ATP11C: variants seen among roughly 807,000 people sequenced by gnomAD.
ATP11C encodes the protein phospholipid-transporting ATPase IG.
In ATP11C, 36 loss-of-function variants were observed where a neutral mutation model predicts 97.4. The observed-to-expected ratio is 0.37, with a 90% CI of 0.28 to 0.49. ATP11C has a LOEUF of 0.49. Ranked by LOEUF, ATP11C falls within the 20% of genes least tolerant of loss-of-function variation. The pLI, the probability that ATP11C is intolerant of heterozygous loss-of-function variation, is 0.98. For synonymous variants in ATP11C, 275 were observed against 290.9 expected, an observed-to-expected ratio of 0.95 and a Z score of 0.56; for missense variants, 730 against 824.6, an observed-to-expected ratio of 0.89 and a Z score of 1.40.
rs189184882 is a variant in ATP11C at position 139,800,491 on chromosome X, C to T, written c.660-381G>A. 5.8e-3 allele frequency among the ~76,000 whole-genome samples: 651 copies of T among 111,667 alleles called. 4 individuals are homozygous for T. Among genetic ancestry groups the T allele is most frequent in the Middle Eastern group, 0.018 (4 of 217 alleles). ...GGTGCTAAAATACAATTTTCAAAAC[C>T]GCTAGTTCAGTAGTTCTTACACTTG... On this transcript the variant is annotated intron_variant, in intron 7 of 29. Coordinates refer to ENST00000682941, the MANE Select transcript of ATP11C (RefSeq NM_001353812.2).
At chrX:139,801,497 G>C (rs955800459) in intron 7 of ATP11C, among the ~76,000 whole-genome samples, 2 of 111,815 alleles carry the variant, frequency 1.8e-5, no homozygotes, top group African/African-American at 3.3e-5. Context: ...CCAACCACTT[G>C]GTCACTCATT....
intron 1 of ATP11C, among the ~76,000 whole-genome samples, chrX:139,857,519 G>A (rs909769842): frequency 6.3e-5 from 7 of 110,976 alleles, no homozygotes; most frequent in African/African-American, 1.3e-4. Flanking sequence ...AACTCATTCC[G>A]ATTACCTGCT....
intron 10 of ATP11C, 68 bp from the exon 11 acceptor site, chrX:139,797,394 T>C (rs2082824180): frequency 4.7e-6 from 4 of 854,575 alleles, no homozygotes; most frequent in Non-Finnish European, 6.5e-6. Flanking sequence ...AACTACTGAG[T>C]CATCTAAAGC....
chrX:139,930,167 G>T (rs1204810761), intron 1 of ATP11C, among the ~76,000 whole-genome samples: 1 of 111,170 alleles, frequency 9.0e-6, no homozygotes, highest in Admixed American at 9.6e-5. Context: ...CTTGGTCGGG[G>T]ATGCAAAGTA....
intron 28 of ATP11C, among the ~76,000 whole-genome samples, chrX:139,732,715 T>C (rs921752777): frequency 2.7e-5 from 3 of 111,692 alleles, no homozygotes; most frequent in Non-Finnish European, 5.7e-5. Flanking sequence ...GAGTCAGAGA[T>C]AGGAATAGTC....
At chrX:139,861,769 T>TACACAC (rs5904005) in intron 1 of ATP11C, among the ~76,000 whole-genome samples, 1,524 of 101,314 alleles carry the variant, frequency 0.015, 18 homozygotes, top group African/African-American at 0.05. Context: ...AATCCTGTTA[T>TACACAC]ACACACACAC....
intron 1 of ATP11C, among the ~76,000 whole-genome samples, chrX:139,856,276 G>A (rs994151289): frequency 1.6e-4 from 18 of 112,391 alleles, no homozygotes; most frequent in Non-Finnish European, 2.4e-4. Context: ...CTTGAAGTTC[G>A]GCACCCTGCG....
rs775291328 is a variant in ATP11C, at chrX:139,901,919, T to C, written c.27+30097A>G. ...AGAGTGTCCCTGATAGATTTTTTTT[T>C]CCTCTGTTTTTCTGGTTTATCTGGG... On this transcript the variant is annotated intron_variant, in intron 1 of 29. Transcript: ENST00000682941. Among the ~76,000 whole-genome samples, 4 of 110,810 alleles carry C rather than the reference T, an allele frequency of 3.6e-5. No homozygotes were observed. The South Asian group carries it at 1.6e-3, about 44-fold the overall frequency.
At chrX:139,795,160 C>T (rs1051635062) in intron 12 of ATP11C, among the ~76,000 whole-genome samples, 3 of 111,719 alleles carry the variant, frequency 2.7e-5, no homozygotes, top group African/African-American at 9.8e-5. Flanking sequence ...GGAACAATAT[C>T]CAAAGGAAAA....
At chrX:139,898,254 G>A (rs1329264377) in intron 1 of ATP11C, among the ~76,000 whole-genome samples, 1 of 111,460 alleles carries the variant, frequency 9.0e-6, no homozygotes, top group Non-Finnish European at 1.9e-5. Context: ...CAAAAAGCAC[G>A]TGTAGGGCTG....
intron 1 of ATP11C, among the ~76,000 whole-genome samples, chrX:139,884,468 G>C (rs1301990447): frequency 3.6e-5 from 4 of 111,605 alleles, no homozygotes; most frequent in African/African-American, 1.3e-4. Flanking sequence ...CAAACCAGTA[G>C]GCAAGTCCAG....
At chrX:139,849,348 T>C (rs2083955756) in intron 1 of ATP11C, among the ~76,000 whole-genome samples, 1 of 111,435 alleles carries the variant, frequency 9.0e-6, no homozygotes, top group South Asian at 3.8e-4. Context: ...ATACTTATTT[T>C]CCTTTAAAAA....
intron 1 of ATP11C, among the ~76,000 whole-genome samples, chrX:139,903,588 A>C (rs2084930837): frequency 9.2e-6 from 1 of 108,180 alleles, no homozygotes; most frequent in Non-Finnish European, 1.9e-5. Context: ...TACCCTTTAT[A>C]ATAAACCGGT....
intron 1 of ATP11C, among the ~76,000 whole-genome samples, chrX:139,858,592 C>T (rs886328031): frequency 1.8e-5 from 2 of 112,091 alleles, no homozygotes; most frequent in African/African-American, 6.5e-5. Flanking sequence ...CAACCACTGA[C>T]GTTTGAGGGT....
chrX:139,736,771 A>T (rs1382938705), intron 28 of ATP11C, among the ~76,000 whole-genome samples: 1 of 111,258 alleles, frequency 9.0e-6, no homozygotes, highest in Non-Finnish European at 1.9e-5. Flanking sequence ...CTGGCCACCT[A>T]ATTACACACT....
At chrX:139,895,317 T>G (rs2485727) in intron 1 of ATP11C, among the ~76,000 whole-genome samples, 31,280 of 110,598 alleles carry the variant, frequency 0.28, 6,574 homozygotes, top group African/African-American at 0.71. Context: ...TGTCACTCAG[T>G]CTGGAGTGCA....
intron 12 of ATP11C, among the ~76,000 whole-genome samples, chrX:139,791,972 A>G (rs1306019343): frequency 1.8e-5 from 2 of 111,043 alleles, no homozygotes; most frequent in East Asian, 5.6e-4. Context: ...CTCCAAAGTG[A>G]TAACAGTGTT....
intron 3 of ATP11C, among the ~76,000 whole-genome samples, chrX:139,818,647 G>A (rs1221681762): frequency 8.9e-6 from 1 of 112,063 alleles, no homozygotes; most frequent in Non-Finnish European, 1.9e-5. Flanking sequence ...CTCAAAGTGA[G>A]TCAACAGAAG....
chrX:139,779,706 A>G (rs2148710890), intron 18 of ATP11C, among the ~76,000 whole-genome samples: 1 of 111,934 alleles, frequency 8.9e-6, no homozygotes, highest in Admixed American at 9.5e-5. Flanking sequence ...ACCAGACCCA[A>G]AGCTAACAGA....
Sources: gnomAD v4.1 joint callset for allele counts (sites outside exome capture counted in the v4.1 genomes callset) on GRCh38, gnomAD v4.1.1 for gene constraint, MANE v1.5 for transcripts, NCBI Gene and HGNC (gene_info 2026-07-23, HGNC 2026-07-21) for gene names.